BCAS3: variants seen among roughly 807,000 people sequenced by gnomAD.
BCAS3 encodes BCAS3 microtubule associated cell migration factor, also known as BCAS4/BCAS3 fusion.
In BCAS3, 53 loss-of-function variants were observed where a neutral mutation model predicts 116.1. The ratio of observed to expected loss-of-function variants is 0.46; its 90% CI spans 0.37 to 0.57. BCAS3 has a LOEUF of 0.57. BCAS3 is among the 20% of genes least tolerant of loss of function. The pLI is 0.00. For synonymous variants in BCAS3, 391 were observed against 408.2 expected, an observed-to-expected ratio of 0.96 and a Z score of 0.51; for missense variants, 917 against 1,165.4, an observed-to-expected ratio of 0.79 and a Z score of 3.10.
Position 61,368,136 on chromosome 17 carries a change from C to T in BCAS3, c.2426-191C>T. The T allele has an allele frequency of 4.1e-6, 2 of 490,826 alleles. No individual in the cohort carries two copies. The highest frequency in any genetic ancestry group is 7.1e-6 in the Non-Finnish European group (2 of 283,002). 30.4% of individuals were successfully genotyped at this position (490,826 alleles called of 1,614,324 possible). A position where few individuals can be genotyped will look rare whatever the true frequency, so the allele number is the denominator to read the frequency against. ...AGCCTCAGTGTCACGGAAGTCACTCCAGAGGTCTGCACTCTCTCAGCGGCA... is the reference window on the plus strand; with the variant it reads ...AGCCTCAGTGTCACGGAAGTCACTCTAGAGGTCTGCACTCTCTCAGCGGCA... On this transcript the variant is annotated intron_variant, in intron 22 of 23. Coordinates refer to ENST00000407086, the MANE Select transcript of BCAS3 (RefSeq NM_017679.5). This position sits in a 1 kb window ranked among gnomAD's most constrained non-coding sequence, Gnocchi z 6.0.
chr17:61,257,751 GACTT>G (rs1555797186), intron 22 of BCAS3, among the ~76,000 whole-genome samples: 1 of 152,176 alleles, frequency 6.6e-6, no homozygotes. Flanking sequence ...ATAAATGTGT[GACTT>G]ACACTTAGCT....
At chr17:61,158,013 A>G (rs1259447262) in intron 22 of BCAS3, among the ~76,000 whole-genome samples, 5 of 152,108 alleles carry the variant, frequency 3.3e-5, no homozygotes, top group Non-Finnish European at 1.5e-5. Context: ...ATGTATGACT[A>G]GTTTTCTGTT....
chr17:60,928,954 A>G (rs1159963349), intron 13 of BCAS3, among the ~76,000 whole-genome samples: 2 of 152,204 alleles, frequency 1.3e-5, no homozygotes, highest in South Asian at 2.1e-4. Context: ...CTGCATTGCT[A>G]TTTGTAAATG....
At chr17:61,055,750 G>C (rs1000690449) in intron 19 of BCAS3, among the ~76,000 whole-genome samples, 1 of 152,070 alleles carries the variant, frequency 6.6e-6, no homozygotes, top group African/African-American at 2.4e-5. Context: ...GGGCCAAGGG[G>C]ATCCTAATGT....
chr17:60,867,533 T>A (rs1009567863), intron 7 of BCAS3, among the ~76,000 whole-genome samples: 4 of 152,226 alleles, frequency 2.6e-5, no homozygotes, highest in African/African-American at 9.6e-5. Context: ...TTTAAAAAAA[T>A]TTTACTAATT....
At chr17:61,107,218 C>T (rs377100829) in intron 22 of BCAS3, among the ~76,000 whole-genome samples, 1 of 151,164 alleles carries the variant, frequency 6.6e-6, no homozygotes, top group Non-Finnish European at 1.5e-5. Context: ...TCCTGAGTAG[C>T]TGGGATTACA....
chr17:60,849,185 C>G (rs1349830331), intron 7 of BCAS3, among the ~76,000 whole-genome samples: 1 of 151,842 alleles, frequency 6.6e-6, no homozygotes, highest in African/African-American at 2.4e-5. Flanking sequence ...AGCTGAGAGG[C>G]TAAAAACTGT....
intron 22 of BCAS3, among the ~76,000 whole-genome samples, chr17:61,085,765 T>C (rs1354245984): frequency 6.6e-6 from 1 of 152,192 alleles, no homozygotes; most frequent in Non-Finnish European, 1.5e-5. Context: ...CTGAATGAGA[T>C]ATCGAGATAG....
rs539129991 is a variant in BCAS3, at chr17:60,879,459, C to T, written c.661+4721C>T. The stretch of plus-strand genomic sequence containing the variant: ...AGCTGATAGAGGACTGTTAATGGAA[C>T]GCATCCAATATGATGAGAAAGGAGA... On this transcript the variant is annotated intron_variant, in intron 9 of 23. Coordinates refer to ENST00000407086, the MANE Select transcript of BCAS3 (RefSeq NM_017679.5). Among the ~76,000 whole-genome samples the T allele has an allele frequency of 1.8e-4, 27 of 152,154 alleles. 1 individual carries two copies. The highest frequency in any genetic ancestry group is 1.2e-3 in the Admixed American group (19 of 15,276).
chr17:61,114,746 G>A (rs2075314469), intron 22 of BCAS3, among the ~76,000 whole-genome samples: 1 of 151,212 alleles, frequency 6.6e-6, no homozygotes, highest in Non-Finnish European at 1.5e-5. Flanking sequence ...CTACTTTAAA[G>A]TTCATATGGA....
intron 22 of BCAS3, among the ~76,000 whole-genome samples, chr17:61,121,979 C>T (rs1395079765): frequency 6.6e-6 from 1 of 152,204 alleles, no homozygotes; most frequent in African/African-American, 2.4e-5. Flanking sequence ...CCACCCGCCT[C>T]ATCCTCCCAA....
At chr17:61,018,173 T>C (rs375473069) in intron 16 of BCAS3, among the ~76,000 whole-genome samples, 1 of 152,024 alleles carries the variant, frequency 6.6e-6, no homozygotes, top group South Asian at 2.1e-4. Flanking sequence ...TTAGAGAGAA[T>C]AATTGATACT....
intron 7 of BCAS3, among the ~76,000 whole-genome samples, chr17:60,834,367 G>A (rs1216250241): frequency 6.6e-6 from 1 of 151,946 alleles, no homozygotes; most frequent in African/African-American, 2.4e-5. Context: ...TTCCTGTTCT[G>A]TCTTGATATA....
chr17:61,066,093 C>T (rs2070584631), intron 19 of BCAS3, among the ~76,000 whole-genome samples: 1 of 152,138 alleles, frequency 6.6e-6, no homozygotes, highest in Admixed American at 6.5e-5. Flanking sequence ...GCAGATTTCT[C>T]TGATAGTGAT....
chr17:61,119,165 A>T (rs1482038023), intron 22 of BCAS3, among the ~76,000 whole-genome samples: 1 of 152,066 alleles, frequency 6.6e-6, no homozygotes, highest in African/African-American at 2.4e-5. Flanking sequence ...ACTTTTTAAC[A>T]CCTATTGAGG....
chr17:60,790,796 T>A (rs1015949157), intron 6 of BCAS3, among the ~76,000 whole-genome samples: 1 of 147,284 alleles, frequency 6.8e-6, no homozygotes, highest in Non-Finnish European at 1.5e-5. Flanking sequence ...CAGGTTGGAG[T>A]GCAGTGGTGT....
chr17:61,263,635 G>A (rs550878466), intron 22 of BCAS3, among the ~76,000 whole-genome samples: 7 of 152,288 alleles, frequency 4.6e-5, no homozygotes, highest in African/African-American at 1.2e-4. Context: ...GTGGAAGATC[G>A]GAGGATTAAA....
At chr17:60,771,415 T>A (rs1415793137) in intron 6 of BCAS3, among the ~76,000 whole-genome samples, 1 of 150,740 alleles carries the variant, frequency 6.6e-6, no homozygotes. Flanking sequence ...GGATAAAGTA[T>A]GTTGCAAAGA....
At chr17:61,178,665 T>C (rs908451512) in intron 22 of BCAS3, among the ~76,000 whole-genome samples, 2 of 152,194 alleles carry the variant, frequency 1.3e-5, no homozygotes, top group Admixed American at 6.5e-5. Flanking sequence ...AATATAAAAT[T>C]GTTTTTGTTC....
Sources: allele counts gnomAD v4.1 joint callset (sites outside exome capture counted in the v4.1 genomes callset), GRCh38; gene constraint gnomAD v4.1.1; non-coding constraint Gnocchi (gnomAD v3.1); transcripts MANE v1.5; gene names NCBI Gene and HGNC (gene_info 2026-07-23, HGNC 2026-07-21).